Variants in ASXL1 observed in about 807,000 individuals in gnomAD.
The protein encoded by ASXL1 is ASXL transcriptional regulator 1.
In ASXL1, 65 loss-of-function variants were observed where a neutral mutation model predicts 89.1. The observed-to-expected ratio is 0.73, with a 90% confidence interval of 0.60 to 0.90. The LOEUF is 0.90. ASXL1 is among the 40% of genes least tolerant of loss of function. ASXL1 has a pLI of 0.00. For synonymous variants in ASXL1, 739 were observed against 746.9 expected (o/e 0.99, Z 0.17); for missense variants, 1,786 against 1,942.9 (o/e 0.92, Z 1.52).
Position 32,377,876 on chromosome 20 carries a change from C to A in ASXL1, c.252+8753C>A, listed in dbSNP as rs567397166. The stretch of plus-strand genomic sequence containing the variant: ...CCATGTTGGCCAGGCTGGTCTCAAA[C>A]CCCTGACCTGAAGTGATCTGCCTGC... On this transcript the variant is annotated intron_variant, in intron 4 of 12. Coordinates refer to ENST00000375687, the MANE Select transcript of ASXL1 (RefSeq NM_015338.6). 4.6e-5 allele frequency among the ~76,000 whole-genome samples: 7 copies of A among 152,096 alleles called. No individual in the cohort carries two copies. The East Asian group carries it at 1.4e-3, about 29-fold the overall frequency.
At chr20:32,404,440 T>C (rs1028373297) in intron 4 of ASXL1, among the ~76,000 whole-genome samples, 2 of 152,236 alleles carry the variant, frequency 1.3e-5, no homozygotes, top group Non-Finnish European at 2.9e-5. Context: ...TTGTTTCTAA[T>C]TGCTGATTGC....
intron 4 of ASXL1, chr20:32,372,600 ATT>A: frequency 9.6e-6 from 2 of 208,494 alleles, no homozygotes; most frequent in Non-Finnish European, 1.7e-5. Context: ...TTATTTATTT[ATT>A]TTTTTTTTCT....
chr20:32,419,846 A>G (rs2049209510), intron 4 of ASXL1, among the ~76,000 whole-genome samples: 1 of 151,642 alleles, frequency 6.6e-6, no homozygotes, highest in African/African-American at 2.4e-5. Context: ...CGCCGGGCTA[A>G]TTTTTGTATT....
chr20:32,429,516 G>A lies in ASXL1; in HGVS notation c.565+85G>A, dbSNP rs1164453596. On this transcript the variant is annotated intron_variant, in intron 7 of 12. Transcript: ENST00000375687. This position sits in a 1 kb window ranked among gnomAD's most constrained non-coding sequence, Gnocchi z 4.9. ...TCTGTCAGCAGTTTCTGACCTAATA[G>A]TGCGATACTAGGAGAGCTGTCGGGC... 12 of 1,376,586 alleles carry A rather than the reference G, an allele frequency of 8.7e-6. No individual in the cohort carries two copies. The highest frequency in any genetic ancestry group is 1.2e-5 in the South Asian group (1 of 85,500). 85.3% of individuals were successfully genotyped at this position (1,376,586 alleles called of 1,614,324 possible).
chr20:32,361,263 C>T (rs1366962306), intron 1 of ASXL1, among the ~76,000 whole-genome samples: 7 of 152,084 alleles, frequency 4.6e-5, no homozygotes, highest in African/African-American at 1.4e-4. Flanking sequence ...TAGCTTAGGC[C>T]GAGGAGTTGG....
In ASXL1 at chr20:32,433,585, A is replaced by G. The variant is rs1161459110; in HGVS notation, c.1387A>G (p.Ser463Gly). ...TAAGACTGACCCAGCAGGGCTGAGC[A>G]GTCCCCATCTGCCAGGCACATCCTC... ...EAKTDPAGLS[S>G]PHLPGTSSAA... The change falls in exon 12 of 13, where the codon AGT becomes GGT. Residue 463 changes from serine (S) to glycine (G), a missense_variant. By Grantham distance (56) the Ser-to-Gly change is moderately conservative (BLOSUM62 0). Coordinates refer to ENST00000375687, the MANE Select transcript of ASXL1 (RefSeq NM_015338.6). The G allele has an allele frequency of 5.0e-6, 8 of 1,614,056 alleles. No individual in the cohort carries two copies. The Admixed American group carries it at 1.3e-4, about 27-fold the overall frequency.
intron 4 of ASXL1, 110 bp downstream of exon 4, chr20:32,369,233 C>A: frequency 9.8e-7 from 1 of 1,017,446 alleles, no homozygotes; most frequent in Non-Finnish European, 1.5e-6. Context: ...TTCTCATATG[C>A]AGTCAGGTGA....
At position 32,432,562 on chromosome 20, in the gene ASXL1, G is replaced by A. The variant is rs187792936; in HGVS notation, c.980-318G>A. 7.3e-4 allele frequency: 258 copies of A among 352,740 alleles called. 2 individuals carry two copies. The highest frequency in any genetic ancestry group is 4.9e-3 in the African/African-American group (231 of 47,306). The allele number at this position is 352,740 out of a possible 1,614,324, so 21.9% of individuals were successfully genotyped here. The stretch of plus-strand genomic sequence containing the variant: ...ATCTAAGTTCCCAGATGTCAGCCAA[G>A]GGCTGTTCTTTTAAGTAGGCCTTTC... On this transcript the variant is annotated intron_variant, in intron 10 of 12. Transcript: ENST00000375687.
At chr20:32,373,919 TTCA>T (rs1175585345) in intron 4 of ASXL1, among the ~76,000 whole-genome samples, 2 of 152,094 alleles carry the variant, frequency 1.3e-5, no homozygotes, top group Non-Finnish European at 2.9e-5. Flanking sequence ...TTGAAAAAAT[TTCA>T]TCATTGCTTC....
intron 1 of ASXL1, among the ~76,000 whole-genome samples, chr20:32,363,856 A>AT (rs2048162935): frequency 6.6e-6 from 1 of 152,190 alleles, no homozygotes; most frequent in African/African-American, 2.4e-5. Context: ...GGAATTAGGT[A>AT]TATCTACAAA....
intron 4 of ASXL1, among the ~76,000 whole-genome samples, chr20:32,402,224 C>T (rs2048887356): frequency 6.6e-6 from 1 of 152,190 alleles, no homozygotes; most frequent in Non-Finnish European, 1.5e-5. Flanking sequence ...GAGAGCATTT[C>T]TCCCCCCTAA....
At chr20:32,376,409 G>A (rs1465346991) in intron 4 of ASXL1, among the ~76,000 whole-genome samples, 3 of 151,880 alleles carry the variant, frequency 2.0e-5, no homozygotes, top group Non-Finnish European at 4.4e-5. Context: ...TGAGTAGCTG[G>A]GATTATATGC....
At chr20:32,428,833 G>T in intron 6 of ASXL1, 1 of 286,120 alleles carries the variant, frequency 3.5e-6, no homozygotes. Flanking sequence ...GCTAATATTT[G>T]TATTTTTAGT....
rs769545573 is a variant in ASXL1, at chr20:32,433,908, G to A, written c.1710G>A (p.Pro570=). 49 of 1,612,724 alleles carry A rather than the reference G, an allele frequency of 3.0e-5. No homozygotes were observed. Among genetic ancestry groups the A allele is most frequent in the South Asian group, 1.3e-4 (12 of 91,060 alleles). The change falls in exon 12 of 13, where the codon CCG becomes CCA. Residue 570 remains proline (P), a synonymous_variant. Coordinates refer to ENST00000375687, the MANE Select transcript of ASXL1 (RefSeq NM_015338.6). Reference sequence around the variant, plus strand: ...CCACTAAAGAGGAGCCCAAAGTCCCGCCCATCCGGGTAGGAGACTGTTTGA... The same window carrying A: ...CCACTAAAGAGGAGCCCAAAGTCCCACCCATCCGGGTAGGAGACTGTTTGA... ...PQPTKEEPKV[P]PIRIQLSRIK... is the part of the protein sequence containing the mutation.
chr20:32,426,335 T>A (rs910973188), intron 4 of ASXL1, among the ~76,000 whole-genome samples: 1 of 152,106 alleles, frequency 6.6e-6, no homozygotes, highest in Non-Finnish European at 1.5e-5. Flanking sequence ...AGATTTGGGG[T>A]AACTTTGCCA....
At chr20:32,421,526 T>C (rs996955598) in intron 4 of ASXL1, among the ~76,000 whole-genome samples, 1 of 146,570 alleles carries the variant, frequency 6.8e-6, no homozygotes, top group Admixed American at 6.9e-5. Flanking sequence ...TAGATAGTTA[T>C]TCAGGAGAAA....
chr20:32,411,598 G>A (rs1308071898), intron 4 of ASXL1, among the ~76,000 whole-genome samples: 1 of 143,412 alleles, frequency 7.0e-6, no homozygotes, highest in African/African-American at 2.6e-5. Context: ...CTGGAGTGCA[G>A]TAGTGCGATC....
chr20:32,391,056 T>A (rs1005663399), intron 4 of ASXL1, among the ~76,000 whole-genome samples: 1 of 148,122 alleles, frequency 6.8e-6, no homozygotes, highest in Non-Finnish European at 1.5e-5. Context: ...TTCAGCTAAT[T>A]TTTTTTTTTT....
At chr20:32,434,213 ATTAAAT>A (rs2011640375) in intron 12 of ASXL1, 2 of 710,758 alleles carry the variant, frequency 2.8e-6, no homozygotes, top group Admixed American at 2.8e-5. Flanking sequence ...CCCACCAGAA[ATTAAAT>A]TTAGAAGTGT....
Sources: gnomAD v4.1 joint callset for allele counts (sites outside exome capture counted in the v4.1 genomes callset) on GRCh38, gnomAD v4.1.1 for gene constraint, Gnocchi (gnomAD v3.1) non-coding constraint, MANE v1.5 for transcripts, NCBI Gene and HGNC (gene_info 2026-07-23, HGNC 2026-07-21) for gene names.